Variants in ALG5 observed in about 807,000 individuals in gnomAD.
The protein encoded by ALG5 is ALG5 dolichyl-phosphate beta-glucosyltransferase.
ALG5 carries 26 observed loss-of-function variants against 51.8 expected under a neutral mutation model. The observed-to-expected ratio is 0.50, with a 90% confidence interval of 0.37 to 0.70. The LOEUF is 0.70. Ranked by LOEUF, ALG5 falls within the 30% of genes least tolerant of loss-of-function variation. The pLI, the probability that ALG5 is intolerant of heterozygous loss-of-function variation, is 0.00. For missense variants in ALG5, 311 were observed against 399.3 expected (o/e 0.78, Z 1.88); for synonymous variants, 141 against 136.1 (o/e 1.04, Z -0.25).
chr13:36,953,615 A>G (rs2058827410), intron 8 of ALG5, among the ~76,000 whole-genome samples: 1 of 152,212 alleles, frequency 6.6e-6, no homozygotes, highest in Non-Finnish European at 1.5e-5. Context: ...CCTGGTGTAA[A>G]ACATTATTAA....
chr13:36,962,752 GCTGT>G (rs1262993028), intron 8 of ALG5, among the ~76,000 whole-genome samples: 1 of 152,154 alleles, frequency 6.6e-6, no homozygotes, highest in African/African-American at 2.4e-5. Flanking sequence ...CACAAGAACT[GCTGT>G]CTAATACAAC....
At chr13:36,969,352 C>T (rs2058910206) in intron 7 of ALG5, among the ~76,000 whole-genome samples, 1 of 150,738 alleles carries the variant, frequency 6.6e-6, no homozygotes, top group Non-Finnish European at 1.5e-5. Flanking sequence ...GTGTATTTGG[C>T]TATTTTTCCA....
At chr13:36,953,955 T>C (rs1181056452) in intron 8 of ALG5, among the ~76,000 whole-genome samples, 1 of 152,132 alleles carries the variant, frequency 6.6e-6, no homozygotes, top group Non-Finnish European at 1.5e-5. Flanking sequence ...CTGAAAAAGA[T>C]TATTATATAT....
At chr13:36,959,844 A>G (rs933616260) in intron 8 of ALG5, among the ~76,000 whole-genome samples, 7 of 151,902 alleles carry the variant, frequency 4.6e-5, no homozygotes, top group African/African-American at 1.7e-4. Flanking sequence ...CTTTACTAAC[A>G]TGGGGGTATA....
At chr13:36,952,470 T>C (rs1313995283) in intron 9 of ALG5, 44 bp downstream of exon 9, 1 of 1,400,100 alleles carries the variant, frequency 7.1e-7, no homozygotes, top group Non-Finnish European at 9.9e-7. Context: ...TAAACAACTG[T>C]ATTATCTGAC....
intron 6 of ALG5, among the ~76,000 whole-genome samples, chr13:36,985,387 A>C (rs756280587): frequency 6.6e-6 from 1 of 152,242 alleles, no homozygotes; most frequent in Non-Finnish European, 1.5e-5. Context: ...AGAAGCAATC[A>C]GAAACCAAGA....
intron 6 of ALG5, among the ~76,000 whole-genome samples, chr13:36,981,904 C>A (rs377708223): frequency 2.0e-5 from 3 of 152,064 alleles, no homozygotes; most frequent in Non-Finnish European, 4.4e-5. Context: ...CTGGCTAACA[C>A]GGTGAAACCC....
chr13:36,964,919 C>CGAA (rs2058885476), intron 8 of ALG5, among the ~76,000 whole-genome samples: 1 of 136,858 alleles, frequency 7.3e-6, no homozygotes, highest in Admixed American at 7.3e-5. Flanking sequence ...GAGCGAAACT[C>CGAA]AAAAAAAAAA....
At chr13:36,994,598 G>A (rs966039030) in intron 3 of ALG5, among the ~76,000 whole-genome samples, 1 of 135,792 alleles carries the variant, frequency 7.4e-6, no homozygotes, top group Non-Finnish European at 1.5e-5. Context: ...AAAGAGAGAA[G>A]AGAATAAAAG....
intron 8 of ALG5, among the ~76,000 whole-genome samples, chr13:36,961,782 T>C (rs2058868351): frequency 6.6e-6 from 1 of 152,282 alleles, no homozygotes; most frequent in East Asian, 1.9e-4. Context: ...TCCAAAGAGA[T>C]ACTGAGAGTC....
At chr13:36,969,122 G>A (rs931472459) in intron 7 of ALG5, among the ~76,000 whole-genome samples, 8 of 152,254 alleles carry the variant, frequency 5.3e-5, no homozygotes, top group Non-Finnish European at 1.2e-4. Context: ...TTGATACCTG[G>A]CTAAGAGCAG....
intron 7 of ALG5, among the ~76,000 whole-genome samples, chr13:36,969,747 C>T (rs1593667295): frequency 6.6e-6 from 1 of 152,006 alleles, no homozygotes; most frequent in South Asian, 2.1e-4. Flanking sequence ...GTTGGCCAGG[C>T]TGGTCTTGAA....
intron 5 of ALG5, among the ~76,000 whole-genome samples, chr13:36,986,215 T>C (rs564284892): frequency 6.6e-6 from 1 of 152,338 alleles, no homozygotes; most frequent in Non-Finnish European, 1.5e-5. Flanking sequence ...TTATAGGATC[T>C]AAAGTTTACT....
chr13:36,964,431 C>G (rs577394044), intron 8 of ALG5, among the ~76,000 whole-genome samples: 6 of 152,116 alleles, frequency 3.9e-5, no homozygotes, highest in Non-Finnish European at 7.4e-5. Context: ...AAGCTAAAAT[C>G]AACAGGCCCT....
chr13:36,972,117 TTTTA>T, intron 6 of ALG5, 81 bp from the exon 7 acceptor site: 3 of 1,121,308 alleles, frequency 2.7e-6, no homozygotes, highest in African/African-American at 1.6e-5. Flanking sequence ...AATATCTCAT[TTTTA>T]GAAACTGATT....
Position 36,952,676 on chromosome 13 carries a change from AAAG to A in ALG5, c.774-80_774-78del. 3.6e-6 allele frequency: 3 copies of A among 832,218 alleles called. No homozygotes were observed. The African/African-American group carries it at 5.4e-5, about 15-fold the overall frequency. The allele number at this position is 832,218 out of a possible 1,614,324, so 51.6% of individuals were successfully genotyped here. ...CTACATCTCTACCTTGGCATGTTTTAAAGAAGCTTACATGGCAGATATAAAGCT... is the reference window on the plus strand; with the variant it reads ...CTACATCTCTACCTTGGCATGTTTTAAAGCTTACATGGCAGATATAAAGCT... On this transcript the variant is annotated intron_variant, in intron 8 of 9. Coordinates refer to ENST00000239891, the MANE Select transcript of ALG5 (RefSeq NM_013338.5).
chr13:36,974,656 A>G (rs1250848056), intron 6 of ALG5, among the ~76,000 whole-genome samples: 3 of 152,020 alleles, frequency 2.0e-5, no homozygotes, highest in Admixed American at 2.0e-4. Context: ...AGCACCACAT[A>G]CCTACTACCT....
At chr13:36,962,224 G>C (rs920261814) in intron 8 of ALG5, among the ~76,000 whole-genome samples, 1 of 152,144 alleles carries the variant, frequency 6.6e-6, no homozygotes, top group African/African-American at 2.4e-5. Flanking sequence ...AATGTCAAAG[G>C]TGACATTTGG....
intron 5 of ALG5, among the ~76,000 whole-genome samples, chr13:36,987,163 T>C (rs551638931): frequency 1.3e-5 from 2 of 152,318 alleles, no homozygotes; most frequent in East Asian, 1.9e-4. Flanking sequence ...ACATCCTCTC[T>C]CCTAGGCTAT....
Sources: gnomAD v4.1 joint callset for allele counts (sites outside exome capture counted in the v4.1 genomes callset) on GRCh38, gnomAD v4.1.1 for gene constraint, MANE v1.5 for transcripts, NCBI Gene and HGNC (gene_info 2026-07-23, HGNC 2026-07-21) for gene names.